Variants in UNC13C observed in about 807,000 individuals in gnomAD.
UNC13C encodes the protein protein unc-13 homolog C.
UNC13C carries 174 observed loss-of-function variants against 245.4 expected under a neutral mutation model. The ratio of observed to expected loss-of-function variants is 0.71; its 90% confidence interval spans 0.63 to 0.80. UNC13C has a LOEUF of 0.80. Among genes scored for constraint, UNC13C ranks in the 30% least tolerant of loss-of-function variants. The pLI, the probability that UNC13C is intolerant of heterozygous loss-of-function variation, is 0.00. For synonymous variants in UNC13C, 992 were observed against 895.1 expected, an observed-to-expected ratio of 1.11 and a Z score of -1.93; for missense variants, 2,829 against 2,602.9, an observed-to-expected ratio of 1.09 and a Z score of -1.89.
At chr15:53,993,292 A>G (rs1488348957) in intron 1 of UNC13C, among the ~76,000 whole-genome samples, 2 of 152,114 alleles carry the variant, frequency 1.3e-5, no homozygotes, top group Non-Finnish European at 1.5e-5. Flanking sequence ...TGGTCCCTGT[A>G]TTAAAGCAAG....
chr15:53,882,355 T>C, the UNC13C span, among the ~76,000 whole-genome samples: 1 of 152,282 alleles, frequency 6.6e-6, no homozygotes, highest in African/African-American at 2.4e-5. Flanking sequence ...CCACACTACT[T>C]TTGCTTATAA....
chr15:54,001,201 T>C (rs1380465373), intron 1 of UNC13C, among the ~76,000 whole-genome samples: 1 of 152,202 alleles, frequency 6.6e-6, no homozygotes, highest in African/African-American at 2.4e-5. Flanking sequence ...GACACCCTGG[T>C]ACATTGCTTT....
chr15:54,168,279 A>G (rs1595938293), intron 4 of UNC13C, among the ~76,000 whole-genome samples: 1 of 152,324 alleles, frequency 6.6e-6, no homozygotes, highest in East Asian at 1.9e-4. Flanking sequence ...GCTATTCTAA[A>G]AAAATATCAC....
intron 4 of UNC13C, among the ~76,000 whole-genome samples, chr15:54,168,679 C>T (rs1017589837): frequency 7.2e-5 from 11 of 151,904 alleles, no homozygotes; most frequent in Non-Finnish European, 1.0e-4. Flanking sequence ...TAACACAACG[C>T]GTCTGTTAAA....
At chr15:54,610,130 A>G (rs1350820258) in intron 30 of UNC13C, among the ~76,000 whole-genome samples, 1 of 152,164 alleles carries the variant, frequency 6.6e-6, no homozygotes, top group Admixed American at 6.5e-5. Context: ...AATAGATCTT[A>G]TCTTATATAC....
chr15:54,385,345 A>T (rs189398404), intron 17 of UNC13C, among the ~76,000 whole-genome samples: 81 of 152,116 alleles, frequency 5.3e-4, no homozygotes, highest in African/African-American at 1.9e-3. Context: ...TATATTCATA[A>T]TAGAATACTA....
At chr15:54,005,348 G>A (rs1895087525) in intron 1 of UNC13C, among the ~76,000 whole-genome samples, 1 of 152,148 alleles carries the variant, frequency 6.6e-6, no homozygotes, top group African/African-American at 2.4e-5. Flanking sequence ...ATAGAATAGT[G>A]TTTATGAGAA....
At chr15:54,554,522 C>T (rs12910358) in intron 28 of UNC13C, among the ~76,000 whole-genome samples, 3 of 152,028 alleles carry the variant, frequency 2.0e-5, no homozygotes, top group African/African-American at 7.2e-5. Context: ...TATGTTCCCC[C>T]ACGTGGGACT....
At chr15:53,889,289 A>G in the UNC13C span, among the ~76,000 whole-genome samples, 1 of 152,130 alleles carries the variant, frequency 6.6e-6, no homozygotes, top group Non-Finnish European at 1.5e-5. Flanking sequence ...CTGTATTCCT[A>G]GGTATTTTAA....
intron 2 of UNC13C, among the ~76,000 whole-genome samples, chr15:54,053,658 T>A (rs1272003038): frequency 6.6e-6 from 1 of 152,174 alleles, no homozygotes; most frequent in African/African-American, 2.4e-5. Context: ...TATACTCTTT[T>A]ACTTATTTTT....
intron 19 of UNC13C, among the ~76,000 whole-genome samples, chr15:54,487,776 A>T (rs1893491992): frequency 1.0e-5 from 1 of 97,910 alleles, no homozygotes; most frequent in East Asian, 4.9e-4. Flanking sequence ...CAAAAAAAAA[A>T]AAAAAAAAAA....
chr15:54,217,076 G>A (rs1436335021), intron 4 of UNC13C, among the ~76,000 whole-genome samples: 1 of 152,026 alleles, frequency 6.6e-6, no homozygotes, highest in Non-Finnish European at 1.5e-5. Flanking sequence ...GAGAAGATGT[G>A]AGAGTCTGGA....
chr15:54,166,930 G>C (rs1595935729), intron 4 of UNC13C, among the ~76,000 whole-genome samples: 1 of 152,146 alleles, frequency 6.6e-6, no homozygotes, highest in East Asian at 1.9e-4. Context: ...TGGATTCAGT[G>C]CAATCCTACT....
intron 8 of UNC13C, among the ~76,000 whole-genome samples, chr15:54,251,053 C>T (rs913811437): frequency 3.9e-5 from 6 of 151,930 alleles, no homozygotes; most frequent in African/African-American, 1.2e-4. Flanking sequence ...CCACCGCGCC[C>T]GGCCCCTATC....
Position 54,015,580 on chromosome 15 carries a change from A to G in UNC13C, c.2677A>G (p.Thr893Ala), listed in dbSNP as rs548329395. ...EQVLAKLENR[T>A]SITETDEQMQ... ...AGTCCTTGCTAAACTAGAAAACAGG[A>G]CTAGTATTACTGAAACAGATGAACA... The change falls in exon 2 of 33, where the codon ACT (threonine) becomes GCT (alanine). Residue 893 changes from threonine (T) to alanine (A), a missense_variant. Thr to Ala is a moderately conservative substitution (Grantham distance 58). Coordinates refer to ENST00000260323, the MANE Select transcript of UNC13C (RefSeq NM_001080534.3). The G allele has an allele frequency of 1.5e-5, 25 of 1,613,870 alleles. No individual in the cohort carries two copies. In the East Asian group the frequency reaches 5.3e-4, roughly 35 times the overall value.
At chr15:54,461,424 A>C (rs557702877) in intron 19 of UNC13C, among the ~76,000 whole-genome samples, 1 of 152,204 alleles carries the variant, frequency 6.6e-6, no homozygotes, top group South Asian at 2.1e-4. Context: ...TGTATATCAT[A>C]TAATCTATCT....
chr15:54,528,906 T>A (rs1895609263), intron 25 of UNC13C, among the ~76,000 whole-genome samples: 1 of 152,066 alleles, frequency 6.6e-6, no homozygotes, highest in African/African-American at 2.4e-5. Flanking sequence ...ACAAACAACA[T>A]CCCCTTCATC....
chr15:54,037,722 C>T (rs1272883049), intron 2 of UNC13C, among the ~76,000 whole-genome samples: 1 of 152,058 alleles, frequency 6.6e-6, no homozygotes, highest in Non-Finnish European at 1.5e-5. Flanking sequence ...ATAAATTCTT[C>T]TGTAAGTGAT....
the UNC13C span, among the ~76,000 whole-genome samples, chr15:53,941,376 A>G: frequency 6.6e-6 from 1 of 152,242 alleles, no homozygotes; most frequent in African/African-American, 2.4e-5. Context: ...CACTCTGGAC[A>G]TAGGCATGGG....
Sources: allele counts gnomAD v4.1 joint callset (sites outside exome capture counted in the v4.1 genomes callset), GRCh38; gene constraint gnomAD v4.1.1; transcripts MANE v1.5; gene names NCBI Gene and HGNC (gene_info 2026-07-23, HGNC 2026-07-21).